The following TMTC2 variants were observed in gnomAD, a reference collection of about 807,000 sequenced individuals.
TMTC2 encodes protein O-mannosyl-transferase TMTC2.
Under a neutral mutation model 82.4 loss-of-function variants are expected in TMTC2, and 43 were observed. The observed-to-expected ratio is 0.52, with a 90% confidence interval of 0.41 to 0.67. The LOEUF is 0.67. TMTC2 is among the 30% of genes least tolerant of loss of function. The pLI is 0.00. For missense variants in TMTC2, 919 were observed against 1,012.4 expected (o/e 0.91, Z 1.25); for synonymous variants, 408 against 381.9 (o/e 1.07, Z -0.80).
intron 1 of TMTC2, among the ~76,000 whole-genome samples, chr12:82,842,773 C>T (rs150575010): frequency 5.6e-4 from 85 of 152,236 alleles, no homozygotes; most frequent in African/African-American, 2.0e-3. Context: ...TTGCTGTGTC[C>T]TAGCATGGTC....
chr12:83,036,818 C>G (rs1171353894), intron 9 of TMTC2, among the ~76,000 whole-genome samples: 2 of 152,092 alleles, frequency 1.3e-5, no homozygotes, highest in Non-Finnish European at 2.9e-5. Context: ...GCCTTTGCTT[C>G]TGGTGAGGGC....
chr12:82,758,623 A>G (rs1876461064), intron 1 of TMTC2: 1 of 152,178 alleles, frequency 6.6e-6, no homozygotes, highest in Non-Finnish European at 1.5e-5. Flanking sequence ...TTGTAAGTGT[A>G]GTGTAGAATG....
At chr12:82,782,760 G>T (rs1167772693) in intron 1 of TMTC2, among the ~76,000 whole-genome samples, 1 of 152,184 alleles carries the variant, frequency 6.6e-6, no homozygotes, top group Non-Finnish European at 1.5e-5. Flanking sequence ...AGTACAATGT[G>T]GATGGCTATT....
rs549448820 is a variant in TMTC2, at chr12:82,881,289, G to A, written c.655-14529G>A. 3.9e-5 allele frequency among the ~76,000 whole-genome samples: 6 copies of A among 152,264 alleles called. No individual in the cohort carries two copies. In the South Asian group the frequency reaches 1.2e-3, roughly 32 times the overall value. On this transcript the variant is annotated intron_variant, in intron 2 of 11. Transcript: ENST00000321196. ...AATGAATACTGCAATGATTATATGG[G>A]TTTCATAGTTTGAGTACTTTTCTGT...
At chr12:82,844,660 C>T (rs1009870315) in intron 1 of TMTC2, among the ~76,000 whole-genome samples, 1 of 151,836 alleles carries the variant, frequency 6.6e-6, no homozygotes, top group Non-Finnish European at 1.5e-5. Context: ...AAGTTAGCTG[C>T]GCTTGGTGGC....
intron 7 of TMTC2, among the ~76,000 whole-genome samples, chr12:82,969,991 A>C (rs1878378317): frequency 6.6e-6 from 1 of 152,226 alleles, no homozygotes; most frequent in Admixed American, 6.5e-5. Context: ...AACAAATCAC[A>C]AAATATGTGT....
chr12:83,064,253 C>A (rs1454938269), intron 11 of TMTC2, among the ~76,000 whole-genome samples: 2 of 151,836 alleles, frequency 1.3e-5, no homozygotes, highest in Non-Finnish European at 2.9e-5. Flanking sequence ...TTGGATACTA[C>A]AAGACTTGAG....
At position 82,890,004 on chromosome 12, in the gene TMTC2, A is replaced by G. The variant is rs188990048; in HGVS notation, c.655-5814A>G. Among the ~76,000 whole-genome samples, 1,339 of 152,292 alleles carry G rather than the reference A, an allele frequency of 8.8e-3. 12 individuals are homozygous for G. Among genetic ancestry groups the G allele is most frequent in the Middle Eastern group, 0.082 (24 of 294 alleles). On this transcript the variant is annotated intron_variant, in intron 2 of 11. Transcript: ENST00000321196. ...AGATTTCCAAGTCATACATGATACA[A>G]ACTATTAATTTTATTGTGTACTTTC...
chr12:82,778,644 TC>T (rs1337423778), intron 1 of TMTC2, among the ~76,000 whole-genome samples: 1 of 151,586 alleles, frequency 6.6e-6, no homozygotes, highest in African/African-American at 2.4e-5. Context: ...GGTCAGGAGA[TC>T]GAGACCATCC....
At chr12:82,842,574 A>C (rs547164155) in intron 1 of TMTC2, among the ~76,000 whole-genome samples, 1 of 152,300 alleles carries the variant, frequency 6.6e-6, no homozygotes, top group African/African-American at 2.4e-5. Flanking sequence ...ATAATATGGT[A>C]CTGTCTCTAT....
At chr12:82,793,574 T>C (rs1878567008) in intron 1 of TMTC2, among the ~76,000 whole-genome samples, 1 of 152,102 alleles carries the variant, frequency 6.6e-6, no homozygotes, top group Non-Finnish European at 1.5e-5. Context: ...TGTTACTCTG[T>C]CAAATGACAC....
At chr12:82,844,671 G>A (rs1345449424) in intron 1 of TMTC2, among the ~76,000 whole-genome samples, 1 of 151,932 alleles carries the variant, frequency 6.6e-6, no homozygotes, top group East Asian at 1.9e-4. Flanking sequence ...GCTTGGTGGC[G>A]GGCGCCTGTA....
In TMTC2 at chr12:82,958,988, CA is replaced by C. The variant is rs374413809; in HGVS notation, c.1599-6031del. ...ATGACTTCAATAAAGTTTCATGATA[CA>C]AAAATTGATGTAAAACAGTCAGTAG... On this transcript the variant is annotated intron_variant, in intron 4 of 11. Coordinates refer to ENST00000321196, the MANE Select transcript of TMTC2 (RefSeq NM_152588.3). Among the ~76,000 whole-genome samples the C allele has an allele frequency of 6.6e-3, 997 of 152,098 alleles. 13 individuals are homozygous for C. Among genetic ancestry groups the C allele is most frequent in the African/African-American group, 0.023 (948 of 41,494 alleles).
chr12:83,086,118 G>A (rs369629836), intron 11 of TMTC2, among the ~76,000 whole-genome samples: 36 of 152,120 alleles, frequency 2.4e-4, no homozygotes, highest in African/African-American at 8.4e-4. Flanking sequence ...GCCAACTTGG[G>A]GAGGGTAGAA....
chr12:82,996,312 TGGG>T (rs1879615243), intron 8 of TMTC2, among the ~76,000 whole-genome samples: 1 of 152,196 alleles, frequency 6.6e-6, no homozygotes, highest in African/African-American at 2.4e-5. Context: ...GTGAAGGGCA[TGGG>T]AGACCTGAGT....
chr12:82,904,631 T>G (rs191160924), intron 3 of TMTC2, among the ~76,000 whole-genome samples: 7 of 152,194 alleles, frequency 4.6e-5, no homozygotes, highest in African/African-American at 1.7e-4. Flanking sequence ...AAAAGCAAAT[T>G]TTCTCTGATG....
At chr12:82,922,941 A>G (rs1875480636) in intron 3 of TMTC2, among the ~76,000 whole-genome samples, 1 of 152,218 alleles carries the variant, frequency 6.6e-6, no homozygotes, top group African/African-American at 2.4e-5. Flanking sequence ...ATCAGCCAAC[A>G]CTAAGACACT....
In TMTC2 at chr12:82,965,578, G is replaced by A. The variant is rs777761424; in HGVS notation, c.1703G>A (p.Gly568Asp). 3 of 1,613,366 alleles carry A rather than the reference G, an allele frequency of 1.9e-6. No homozygotes were observed. The highest frequency in any genetic ancestry group is 2.5e-6 in the Non-Finnish European group (3 of 1,179,616). ...PTLASAYLNT[G>D]IILMNQGRTE... ...CCCTCAGCTGCATATTTAAATACCG[G>A]TATTATTCTAATGAACCAAGGAAGG... Residue 568 changes from glycine (G) to aspartate (D), a missense_variant, in exon 6 of 12, where the codon GGT becomes GAT. By Grantham distance (94) the Gly-to-Asp change is moderately conservative (BLOSUM62 -1). Coordinates refer to ENST00000321196, the MANE Select transcript of TMTC2 (RefSeq NM_152588.3).
intron 3 of TMTC2, among the ~76,000 whole-genome samples, chr12:82,911,280 C>A (rs1874640953): frequency 6.6e-6 from 1 of 152,084 alleles, no homozygotes; most frequent in Non-Finnish European, 1.5e-5. Flanking sequence ...CCTGTCCTCC[C>A]CTAGGTCTGT....
Sources: allele counts gnomAD v4.1 joint callset (sites outside exome capture counted in the v4.1 genomes callset), GRCh38; gene constraint gnomAD v4.1.1; transcripts MANE v1.5; gene names NCBI Gene and HGNC (gene_info 2026-07-23, HGNC 2026-07-21).